PLCB3: variants seen among roughly 807,000 people sequenced by gnomAD.
PLCB3 encodes phospholipase C beta 3.
PLCB3 carries 54 observed loss-of-function variants against 152.1 expected under a neutral mutation model. That is an observed-to-expected ratio of 0.36 (90% CI 0.29 to 0.45). The LOEUF (loss-of-function observed/expected upper bound fraction) is 0.45, where lower values mean the gene tolerates loss of function less well. Among genes scored for constraint, PLCB3 ranks in the 20% least tolerant of loss-of-function variants. The pLI is 1.00. For missense variants in PLCB3, 1,248 were observed against 1,687.5 expected (o/e 0.74, Z 4.56); for synonymous variants, 717 against 698.7 (o/e 1.03, Z -0.41).
rs376103676 is a variant in PLCB3 at position 64,259,081 on chromosome 11, C to T, written c.1362C>T (p.Pro454=). The T allele has an allele frequency of 2.3e-5, 37 of 1,612,082 alleles. No homozygotes were observed. The highest frequency in any genetic ancestry group is 2.8e-5 in the Non-Finnish European group (33 of 1,179,226). Reference sequence around the variant, plus strand: ...AGCTGGCCCCAGGCGTTCCCCTGCCCAGCCCCCAGGACCTGATGGGCCGTA... The same window carrying T: ...AGCTGGCCCCAGGCGTTCCCCTGCCTAGCCCCCAGGACCTGATGGGCCGTA... ...KYPLAPGVPL[P]SPQDLMGRIL... Residue 454 remains proline, a synonymous_variant, in exon 13 of 31, where the codon CCC becomes CCT. Transcript: ENST00000279230.
rs537734713 is a variant in PLCB3, at chr11:64,260,036, C to T, written c.1533C>T (p.Pro511=). 7.4e-5 allele frequency: 119 copies of T among 1,610,476 alleles called. No homozygotes were observed. In the South Asian group the frequency reaches 1.2e-3, roughly 17 times the overall value. The change falls in exon 14 of 31, where the codon CCC becomes CCT. Residue 511 remains proline, a synonymous_variant. Coordinates refer to ENST00000279230, the MANE Select transcript of PLCB3 (RefSeq NM_000932.5). ...TEPSSPQLGS[P]SSDSCPGLSN... is the part of the protein sequence containing the mutation. ...TGGCCCTGTCCTCTGCAGGGTCTCC[C>T]AGCTCTGACAGCTGCCCAGGCCTGA...
rs924397063 is a variant in PLCB3, at chr11:64,267,804, C to T, written c.*248C>T. ...GACACCCACACCCTCGAGCTAGCAG[C>T]GTCTCCTCCCTTCCCCGGGAGAGCT... On this transcript the variant is annotated 3_prime_UTR_variant, in exon 31 of 31. Transcript: ENST00000279230. The surrounding 1 kb of genome is among the most constrained non-coding windows in gnomAD (Gnocchi z 5.2). 10 of 455,052 alleles carry T rather than the reference C, an allele frequency of 2.2e-5. No individual in the cohort carries two copies. The highest frequency in any genetic ancestry group is 3.9e-5 in the Non-Finnish European group (10 of 257,588). The allele number at this position is 455,052 out of a possible 1,614,324, so 28.2% of individuals were successfully genotyped here. A position where few individuals can be genotyped will look rare whatever the true frequency, so the allele number is the denominator to read the frequency against.
Position 64,255,752 on chromosome 11 carries a change from T to G in PLCB3, c.629T>G (p.Leu210Trp). ...TCCATCCGGCCTGATGAGTTTTCCT[T>G]GGAAATCTTTGAGCGGTTCCTGAAC... ...SESIRPDEFSLEIFERFLNKL... is the reference protein window; with the variant it reads ...SESIRPDEFSWEIFERFLNKL... The change falls in exon 8 of 31, where the codon TTG becomes TGG. Residue 210 changes from leucine to tryptophan, a missense_variant. Transcript: ENST00000279230. This position sits in a 1 kb window ranked among gnomAD's most constrained non-coding sequence, Gnocchi z 6.8. The G allele has an allele frequency of 1.2e-6, 2 of 1,614,076 alleles. No individual in the cohort carries two copies. The highest frequency in any genetic ancestry group is 1.7e-6 in the Non-Finnish European group (2 of 1,180,000).
rs1218126452 is a variant in PLCB3, at chr11:64,266,136, G to A, written c.3200G>A (p.Arg1067Gln). ...RLEHLRQALQ[R>Q]LREVVLDANT... ...TCCCTGTGTCCACAGGCTCTGCAGC[G>A]GCTCAGGGAGGTCGTCCTTGATGCA... Residue 1067 changes from arginine (R) to glutamine (Q), a missense_variant, in exon 27 of 31, where the codon CGG (arginine) becomes CAG (glutamine). Transcript: ENST00000279230. The surrounding 1 kb of genome is among the most constrained non-coding windows in gnomAD (Gnocchi z 4.9). 6 of 1,613,966 alleles carry A rather than the reference G, an allele frequency of 3.7e-6. No individual in the cohort carries two copies. The highest frequency in any genetic ancestry group is 1.6e-4 in the Middle Eastern group (1 of 6,084).
intron 13 of PLCB3, among the ~76,000 whole-genome samples, chr11:64,259,695 C>T (rs1314219016): frequency 2.0e-5 from 3 of 152,128 alleles, no homozygotes; most frequent in Non-Finnish European, 4.4e-5. Flanking sequence ...TCTGACTTAC[C>T]CCTGACCTGT....
rs766776483 is a variant in PLCB3, at chr11:64,258,422, TGAG to T, written c.1013-47_1013-45del. 21 of 1,590,494 alleles carry T rather than the reference TGAG, an allele frequency of 1.3e-5. No homozygotes were observed. The African/African-American group carries it at 2.5e-4, about 19-fold the overall frequency. ...CTGGTTCCAGGTGGGGCCGGGGTGG[TGAG>T]GAGCTGGGCTGGTGGGCGGCCTCGG... On this transcript the variant is annotated intron_variant, in intron 10 of 30. Coordinates refer to ENST00000279230, the MANE Select transcript of PLCB3 (RefSeq NM_000932.5). The surrounding 1 kb of genome is among the most constrained non-coding windows in gnomAD (Gnocchi z 7.2).
At chr11:64,263,450 C>T (rs2031953161) in intron 19 of PLCB3, 48 bp from the exon 20 acceptor site, 2 of 1,250,224 alleles carry the variant, frequency 1.6e-6, no homozygotes, top group African/African-American at 1.5e-5. Context: ...CTGGTAGCCA[C>T]AGTGGCCCAG....
Position 64,262,309 on chromosome 11 carries a change from GGACCTT to G in PLCB3, c.2039-96_2039-91del. 4 of 1,470,816 alleles carry G rather than the reference GGACCTT, an allele frequency of 2.7e-6. No individual in the cohort carries two copies. The South Asian group carries it at 4.9e-5, about 18-fold the overall frequency. 91.1% of individuals were successfully genotyped at this position (1,470,816 alleles called of 1,614,324 possible). A position where few individuals can be genotyped will look rare whatever the true frequency, so the allele number is the denominator to read the frequency against. ...GCCATTTGAGCCCGCCCCTGACCCTGGACCTTGGATGCCATCTGACCTGATGATCTC... is the reference window on the plus strand; with the variant it reads ...GCCATTTGAGCCCGCCCCTGACCCTGGGATGCCATCTGACCTGATGATCTC... On this transcript the variant is annotated intron_variant, in intron 17 of 30. Transcript: ENST00000279230.
chr11:64,264,161 G>A (rs200440328), intron 22 of PLCB3, 49 bp downstream of exon 22: 32 of 1,266,560 alleles, frequency 2.5e-5, no homozygotes, highest in East Asian at 2.4e-4. Context: ...CCAGGGGGCC[G>A]CTGGACATGA....
In PLCB3 at chr11:64,260,194, A is replaced by C. The variant is rs117874826; in HGVS notation, c.1691A>C (p.Glu564Ala). ...GAGGATGAGGAGGAAGATGAGGAAG[A>C]GGAGGAACAGACAGACCCCAAAAAG... The part of the protein sequence containing the change: ...DREDEEEDEE[E>A]EEQTDPKKPT... Residue 564 changes from glutamate (E) to alanine (A), a missense_variant, in exon 14 of 31, where the codon GAG becomes GCG. Physicochemically the swap from Glu to Ala is moderately radical, Grantham distance 107 (BLOSUM62 -1). This residue lies in a region of PLCB3 where 105 missense variants were observed against 100.9 expected (regional missense o/e 1.04). Transcript: ENST00000279230. 19,033 of 1,589,458 alleles carry C rather than the reference A, an allele frequency of 0.012. 152 individuals are homozygous for C. Among genetic ancestry groups the C allele is most frequent in the Non-Finnish European group, 0.014 (16,873 of 1,167,248 alleles).
chr11:64,251,907 A>G (rs530059859), intron 1 of PLCB3, among the ~76,000 whole-genome samples, 159 bp downstream of exon 1: 3 of 151,862 alleles, frequency 2.0e-5, no homozygotes, highest in Non-Finnish European at 4.4e-5. Flanking sequence ...TCGTCTCCGT[A>G]ATGAAGACTT....
Position 64,263,733 on chromosome 11 carries a change from T to G in PLCB3, c.2498T>G (p.Leu833Arg). 6.2e-7 allele frequency: 1 copy of G among 1,613,156 alleles called. No homozygotes were observed. The highest frequency in any genetic ancestry group is 8.5e-7 in the Non-Finnish European group (1 of 1,179,840). Residue 833 changes from leucine to arginine, a missense_variant, in exon 21 of 31, where the codon CTG (leucine) becomes CGG (arginine). By Grantham distance (102) the Leu-to-Arg change is moderately radical. Transcript: ENST00000279230. ...CTGCGGAACGAGGCCAACCAACCGC[T>G]GTGCCTGCCGGCCCTGCTCATCTAC... ...VCLRNEANQP[L>R]CLPALLIYTE...
At position 64,251,664 on chromosome 11, in the gene PLCB3, G is replaced by A; in HGVS notation, c.15G>A (p.Gln5=). The A allele has an allele frequency of 6.8e-7, 1 of 1,472,578 alleles. No individual in the cohort carries two copies. Among genetic ancestry groups the A allele is most frequent in the African/African-American group, 1.5e-5 (1 of 68,274 alleles). 91.2% of individuals were successfully genotyped at this position (1,472,578 alleles called of 1,614,324 possible). Residue 5 remains glutamine (Q), a synonymous_variant, in exon 1 of 31, where the codon CAG becomes CAA. Transcript: ENST00000279230. ...CTGGCCGGGCCATGGCGGGCGCCCAGCCCGGCGTCCACGCGCTGCAGTTGG... is the reference window on the plus strand; with the variant it reads ...CTGGCCGGGCCATGGCGGGCGCCCAACCCGGCGTCCACGCGCTGCAGTTGG... MAGA[Q]PGVHALQLEP...
rs1323094165 is a variant in PLCB3, at chr11:64,255,017, C to T, written c.366C>T (p.Ala122=). Residue 122 remains alanine, a synonymous_variant, in exon 4 of 31, where the codon GCC becomes GCT. Transcript: ENST00000279230. The surrounding 1 kb of genome is among the most constrained non-coding windows in gnomAD (Gnocchi z 6.8). ...PVNTVFLNFM[A]VQDDTAKVWS... is the part of the protein sequence containing the mutation. ...ACACAGTGTTCTTGAACTTCATGGC[C>T]GTGCAGGATGACACAGCCAAGGTGG... is the stretch of plus-strand genomic sequence containing the variant. 7 of 1,569,260 alleles carry T rather than the reference C, an allele frequency of 4.5e-6. No homozygotes were observed. Among genetic ancestry groups the T allele is most frequent in the African/African-American group, 1.4e-5 (1 of 73,964 alleles).
rs547234079 is a variant in PLCB3 at position 64,255,795 on chromosome 11, G to A, written c.672G>A (p.Pro224=). 2.1e-5 allele frequency: 34 copies of A among 1,613,834 alleles called. No individual in the cohort carries two copies. The Admixed American group carries it at 2.5e-4, about 12-fold the overall frequency. Residue 224 remains proline (P), a synonymous_variant, in exon 8 of 31, where the codon CCG becomes CCA. Coordinates refer to ENST00000279230, the MANE Select transcript of PLCB3 (RefSeq NM_000932.5). The surrounding 1 kb of genome is among the most constrained non-coding windows in gnomAD (Gnocchi z 6.8). ...TCCTGAACAAGCTGTGTCTGCGGCC[G>A]GACATTGACAAGATCCTGCTGGAGA... is the stretch of plus-strand genomic sequence containing the variant. ...ERFLNKLCLR[P]DIDKILLEIG...
rs1026784830 is a variant in PLCB3, at chr11:64,267,174, C to A, written c.3415-11C>A. The A allele has an allele frequency of 1.3e-6, 2 of 1,549,348 alleles. No individual in the cohort carries two copies. The highest frequency in any genetic ancestry group is 1.7e-6 in the Non-Finnish European group (2 of 1,146,786). ...AGGGCCCCTCAGCTGAGCCCTTGCCCACCCCTGTAGCTGGAGGAGGCCCAG... is the reference window on the plus strand; with the variant it reads ...AGGGCCCCTCAGCTGAGCCCTTGCCAACCCCTGTAGCTGGAGGAGGCCCAG... On this transcript the variant is annotated splice_polypyrimidine_tract_variant and intron_variant, in intron 29 of 30. Coordinates refer to ENST00000279230, the MANE Select transcript of PLCB3 (RefSeq NM_000932.5). This position sits in a 1 kb window ranked among gnomAD's most constrained non-coding sequence, Gnocchi z 5.2.
chr11:64,261,891 G>A (rs2031870654), intron 16 of PLCB3, 61 bp from the exon 17 acceptor site: 17 of 1,605,382 alleles, frequency 1.1e-5, no homozygotes, highest in Admixed American at 5.0e-5. Context: ...GGCTGAGGCC[G>A]GAGGTGGAGG....
At chr11:64,264,136 C>T (rs552560271) in intron 22 of PLCB3, 24 bp downstream of exon 22, 2 of 1,477,276 alleles carry the variant, frequency 1.4e-6, no homozygotes, top group Admixed American at 2.3e-5. Context: ...GGGCAGGGCT[C>T]AGGCTCACTG....
chr11:64,258,358 A>G lies in PLCB3; in HGVS notation c.1013-115A>G. 1 of 1,202,966 alleles carries G rather than the reference A, an allele frequency of 8.3e-7. No homozygotes were observed. Among genetic ancestry groups the G allele is most frequent in the Non-Finnish European group, 1.2e-6 (1 of 868,048 alleles). The allele number at this position is 1,202,966 out of a possible 1,614,324, so 74.5% of individuals were successfully genotyped here. ...TGGGATGGACAGGTGGTGGGTATCC[A>G]TCTGAGAGATGGAGAGCCCTCTGCA... On this transcript the variant is annotated intron_variant, in intron 10 of 30. Coordinates refer to ENST00000279230, the MANE Select transcript of PLCB3 (RefSeq NM_000932.5). The surrounding 1 kb of genome is among the most constrained non-coding windows in gnomAD (Gnocchi z 7.2).
Sources: gnomAD v4.1 joint callset for allele counts (sites outside exome capture counted in the v4.1 genomes callset) on GRCh38, gnomAD v4.1.1 for gene constraint, gnomAD v4.1.1 regional missense constraint, Gnocchi (gnomAD v3.1) non-coding constraint, MANE v1.5 for transcripts, NCBI Gene and HGNC (gene_info 2026-07-23, HGNC 2026-07-21) for gene names.